Variants in SORCS1 observed in about 807,000 individuals in gnomAD.
The protein encoded by SORCS1 is sortilin related VPS10 domain containing receptor 1, also known as VPS10 domain-containing receptor SorCS1.
A neutral mutation model predicts 146.1 loss-of-function variants in SORCS1; 60 were observed. That is an observed-to-expected ratio of 0.41 (90% CI 0.33 to 0.51). SORCS1 has a LOEUF of 0.51. Ranked by LOEUF, SORCS1 falls within the 20% of genes least tolerant of loss-of-function variation. The probability of loss-of-function intolerance (pLI) is 0.21; values close to 1 mark genes in which losing one functional copy is unlikely to be tolerated. For missense variants in SORCS1, 1,352 were observed against 1,487.6 expected (o/e 0.91, Z 1.50); for synonymous variants, 637 against 584.0 (o/e 1.09, Z -1.31).
At chr10:106,807,767 G>A (rs1271144151) in intron 3 of SORCS1, among the ~76,000 whole-genome samples, 1 of 152,218 alleles carries the variant, frequency 6.6e-6, no homozygotes, top group African/African-American at 2.4e-5. Context: ...CTATGTTTGG[G>A]TCAAAACAGT....
At chr10:107,149,193 C>CT (rs1175751482) in intron 1 of SORCS1, among the ~76,000 whole-genome samples, 1 of 152,126 alleles carries the variant, frequency 6.6e-6, no homozygotes, top group Non-Finnish European at 1.5e-5. Context: ...CCTTTCTGTT[C>CT]TTTTTTTCTT....
chr10:107,172,497 CT>C, the SORCS1 span, among the ~76,000 whole-genome samples: 2 of 152,200 alleles, frequency 1.3e-5, no homozygotes, highest in Non-Finnish European at 2.9e-5. Context: ...TCTCTTGGCA[CT>C]CTATGCCTAT....
chr10:106,855,809 T>C (rs1157235712), intron 2 of SORCS1, among the ~76,000 whole-genome samples: 2 of 152,206 alleles, frequency 1.3e-5, no homozygotes, highest in African/African-American at 2.4e-5. Context: ...GCCCTTAGCA[T>C]GTTGATCATA....
In SORCS1 at chr10:107,119,982, G is replaced by A. The variant is rs116894376; in HGVS notation, c.558+43987C>T. Among the ~76,000 whole-genome samples the A allele has an allele frequency of 1.2e-4, 18 of 151,956 alleles. No homozygotes were observed. In the East Asian group the frequency reaches 3.5e-3, roughly 29 times the overall value. On this transcript the variant is annotated intron_variant, in intron 1 of 25. Coordinates refer to ENST00000263054, the MANE Select transcript of SORCS1 (RefSeq NM_052918.5). ...CCCTCACTTAGAAAAGCTTTCCATGGTTTCTTCCAGCTAATTCCTATATGT... is the reference window on the plus strand; with the variant it reads ...CCCTCACTTAGAAAAGCTTTCCATGATTTCTTCCAGCTAATTCCTATATGT...
At chr10:106,948,682 G>A (rs368789137) in intron 2 of SORCS1, among the ~76,000 whole-genome samples, 94 of 152,006 alleles carry the variant, frequency 6.2e-4, no homozygotes, top group Admixed American at 1.4e-3. Flanking sequence ...ACTGTAGGCC[G>A]GGCGCAGTGC....
chr10:106,989,190 A>C (rs940302663), intron 1 of SORCS1, among the ~76,000 whole-genome samples: 1 of 148,416 alleles, frequency 6.7e-6, no homozygotes, highest in South Asian at 2.2e-4. Flanking sequence ...AAATCGCTTG[A>C]ACCCAGGAGG....
chr10:106,635,882 T>A (rs986526063), intron 18 of SORCS1, among the ~76,000 whole-genome samples: 4 of 152,164 alleles, frequency 2.6e-5, no homozygotes, highest in Admixed American at 2.0e-4. Flanking sequence ...TTTGTATGAC[T>A]AAGGATATTT....
intron 1 of SORCS1, among the ~76,000 whole-genome samples, chr10:107,041,856 A>G (rs1959166859): frequency 6.6e-6 from 1 of 152,078 alleles, no homozygotes; most frequent in Non-Finnish European, 1.5e-5. Flanking sequence ...CTTTATCCCA[A>G]ATGAGAATAA....
chr10:106,716,281 T>A lies in SORCS1; in HGVS notation c.1025-6940A>T, dbSNP rs549092207. Among the ~76,000 whole-genome samples the A allele has an allele frequency of 1.9e-3, 292 of 152,268 alleles. 1 individual carries two copies. Among genetic ancestry groups the A allele is most frequent in the African/African-American group, 6.7e-3 (277 of 41,544 alleles). On this transcript the variant is annotated intron_variant, in intron 6 of 25. Transcript: ENST00000263054. ...AGCAGGTGTGGCAGGTGTTCCGTCT[T>A]CCTGTTGGAGCTATCTTCTAGGTCC...
At chr10:106,822,459 A>G (rs2136933481) in intron 3 of SORCS1, among the ~76,000 whole-genome samples, 1 of 152,208 alleles carries the variant, frequency 6.6e-6, no homozygotes, top group South Asian at 2.1e-4. Flanking sequence ...TTTCAAAGAG[A>G]GCATTCTGCA....
At chr10:106,602,526 C>CAT (rs1846306408) in intron 23 of SORCS1, among the ~76,000 whole-genome samples, 1 of 148,380 alleles carries the variant, frequency 6.7e-6, no homozygotes, top group Admixed American at 6.7e-5. Context: ...CACACACACA[C>CAT]ACACACACAC....
intron 2 of SORCS1, among the ~76,000 whole-genome samples, chr10:106,946,368 C>T (rs906470353): frequency 6.6e-6 from 1 of 152,196 alleles, no homozygotes; most frequent in African/African-American, 2.4e-5. Context: ...TGAATTGTAG[C>T]CCCCATAATT....
intron 23 of SORCS1, among the ~76,000 whole-genome samples, 170 bp downstream of exon 23, chr10:106,606,996 A>G (rs1408129152): frequency 1.3e-5 from 2 of 152,330 alleles, no homozygotes; most frequent in South Asian, 2.1e-4. Flanking sequence ...GTATGTCTTT[A>G]TTAGCAGTGT....
intron 1 of SORCS1, among the ~76,000 whole-genome samples, chr10:107,120,224 T>C (rs1338859032): frequency 6.6e-6 from 1 of 152,214 alleles, no homozygotes; most frequent in Non-Finnish European, 1.5e-5. Context: ...TGTTAACTAC[T>C]TGGCATCTTC....
chr10:106,750,852 G>T (rs1039371202), intron 5 of SORCS1, among the ~76,000 whole-genome samples: 2 of 148,980 alleles, frequency 1.3e-5, no homozygotes, highest in Non-Finnish European at 3.0e-5. Flanking sequence ...GAGGTCAAGA[G>T]ATGGAGACCA....
chr10:106,842,929 A>C (rs1462802377), intron 2 of SORCS1, among the ~76,000 whole-genome samples: 1 of 152,156 alleles, frequency 6.6e-6, no homozygotes, highest in African/African-American at 2.4e-5. Flanking sequence ...GTTGAGTTTT[A>C]ATAGTTATGT....
At chr10:106,967,447 CA>C (rs1340620459) in intron 1 of SORCS1, among the ~76,000 whole-genome samples, 1 of 151,728 alleles carries the variant, frequency 6.6e-6, no homozygotes, top group African/African-American at 2.4e-5. Context: ...AAAAGAGTAG[CA>C]AGATGAGATA....
intron 1 of SORCS1, among the ~76,000 whole-genome samples, chr10:107,038,634 A>G (rs1959020482): frequency 6.6e-6 from 1 of 151,770 alleles, no homozygotes; most frequent in Non-Finnish European, 1.5e-5. Context: ...TTTGTTTTAA[A>G]CTGGTAAAAT....
chr10:106,895,013 C>T (rs542996293), intron 2 of SORCS1, among the ~76,000 whole-genome samples: 5 of 152,294 alleles, frequency 3.3e-5, no homozygotes, highest in Admixed American at 3.3e-4. Flanking sequence ...CAGATGTCAA[C>T]TGGGAGAATT....
Sources: allele counts gnomAD v4.1 joint callset (sites outside exome capture counted in the v4.1 genomes callset), GRCh38; gene constraint gnomAD v4.1.1; transcripts MANE v1.5; gene names NCBI Gene and HGNC (gene_info 2026-07-23, HGNC 2026-07-21).